The following RCN3 variants were observed in gnomAD, a reference collection of about 807,000 sequenced individuals.
RCN3 encodes the protein reticulocalbin-3.
Under a neutral mutation model 35.9 loss-of-function variants are expected in RCN3, and 41 were observed. That is an observed-to-expected ratio of 1.14 (90% CI 0.89 to 1.48). RCN3 has a LOEUF of 1.48. RCN3 is among the 40% of genes most tolerant of loss of function. The pLI, the probability that RCN3 is intolerant of heterozygous loss-of-function variation, is 0.00. For synonymous variants in RCN3, 187 were observed against 193.4 expected (o/e 0.97, Z 0.27); for missense variants, 451 against 471.3 (o/e 0.96, Z 0.40).
At chr19:49,533,985 C>T (rs1218008317) in intron 2 of RCN3, among the ~76,000 whole-genome samples, 3 of 152,116 alleles carry the variant, frequency 2.0e-5, no homozygotes, top group African/African-American at 7.2e-5. Context: ...GGGCGTGACT[C>T]GACCTGGGGG....
At chr19:49,529,655 T>C (rs764825449) in intron 2 of RCN3, among the ~76,000 whole-genome samples, 92 of 152,150 alleles carry the variant, frequency 6.0e-4, no homozygotes, top group Non-Finnish European at 1.1e-3. Flanking sequence ...GTGGATCAAA[T>C]AGAGATAAAT....
chr19:49,543,029 G>A lies in RCN3; in HGVS notation c.880-77G>A, dbSNP rs532255541. 3.9e-5 allele frequency: 48 copies of A among 1,226,532 alleles called. No homozygotes were observed. The South Asian group carries it at 4.8e-4, about 12-fold the overall frequency. 76.0% of individuals were successfully genotyped at this position (1,226,532 alleles called of 1,614,324 possible). On this transcript the variant is annotated intron_variant, in intron 6 of 6. Coordinates refer to ENST00000270645, the MANE Select transcript of RCN3 (RefSeq NM_020650.3). ...AGAGAACAAGGGTCCCAGAGACTTC[G>A]GGACACGCTTGGATGCAGGGAGGGC...
At chr19:49,529,058 G>C (rs1273784501) in intron 2 of RCN3, among the ~76,000 whole-genome samples, 1 of 152,100 alleles carries the variant, frequency 6.6e-6, no homozygotes, top group Non-Finnish European at 1.5e-5. Flanking sequence ...GTGGGCACCT[G>C]TAATCCCAGC....
intron 3 of RCN3, among the ~76,000 whole-genome samples, chr19:49,535,296 A>G (rs1015368795): frequency 6.6e-6 from 1 of 152,128 alleles, no homozygotes; most frequent in African/African-American, 2.4e-5. Context: ...CAGTCAAGCC[A>G]TCTCAGTCCC....
chr19:49,535,873 T>TAGATAGATAG (rs369474948), intron 3 of RCN3, among the ~76,000 whole-genome samples: 92 of 144,798 alleles, frequency 6.4e-4, no homozygotes, highest in African/African-American at 2.0e-3. Context: ...TATATATATA[T>TAGATAGATAG]ATAGATAGAT....
At chr19:49,532,968 G>C (rs1035397221) in intron 2 of RCN3, among the ~76,000 whole-genome samples, 8 of 152,188 alleles carry the variant, frequency 5.3e-5, no homozygotes, top group Non-Finnish European at 7.3e-5. Context: ...GAGCCACCGC[G>C]CCTGTCCTGT....
At chr19:49,532,131 A>G in intron 2 of RCN3, among the ~76,000 whole-genome samples, 1 of 103,674 alleles carries the variant, frequency 9.6e-6, no homozygotes, top group East Asian at 2.8e-4. Flanking sequence ...TTTGAGACAG[A>G]GTCTCACTCT....
At chr19:49,532,200 G>A (rs1335830449) in intron 2 of RCN3, among the ~76,000 whole-genome samples, 3 of 142,334 alleles carry the variant, frequency 2.1e-5, no homozygotes, top group Non-Finnish European at 3.0e-5. Context: ...GCGCCTCCCA[G>A]GTTCACGCCA....
intron 5 of RCN3, among the ~76,000 whole-genome samples, chr19:49,540,181 C>T (rs1302834237): frequency 6.6e-6 from 1 of 151,744 alleles, no homozygotes; most frequent in Admixed American, 6.6e-5. Context: ...GTGTGTCTCT[C>T]TCTTTATTAA....
At chr19:49,532,190 G>C (rs1444181685) in intron 2 of RCN3, among the ~76,000 whole-genome samples, 11 of 118,842 alleles carry the variant, frequency 9.3e-5, no homozygotes, top group Admixed American at 8.4e-4. Context: ...ACTGCAAGCT[G>C]CGCCTCCCAG....
chr19:49,542,059 C>CA (rs56896990), intron 5 of RCN3, among the ~76,000 whole-genome samples: 14,212 of 116,270 alleles, frequency 0.12, 800 homozygotes, highest in African/African-American at 0.17. Context: ...GACTCCATCT[C>CA]AAAAAAAAAA....
intron 2 of RCN3, among the ~76,000 whole-genome samples, chr19:49,532,856 A>G (rs2080115566): frequency 6.6e-6 from 1 of 150,422 alleles, no homozygotes; most frequent in South Asian, 2.1e-4. Flanking sequence ...TTGTATTTTT[A>G]GTAGAGACAA....
chr19:49,528,680 C>A lies in RCN3; in HGVS notation c.208C>A (p.Gln70Lys), dbSNP rs756535920. 9 of 1,607,014 alleles carry A rather than the reference C, an allele frequency of 5.6e-6. No homozygotes were observed. The African/African-American group carries it at 1.1e-4, about 19-fold the overall frequency. ...ACGGGAAGTGGCCAAGGAATTCGACCAACTCACCCCAGAGGAAAGCCAGGC... is the reference window on the plus strand; with the variant it reads ...ACGGGAAGTGGCCAAGGAATTCGACAAACTCACCCCAGAGGAAAGCCAGGC... ...LGREVAKEFD[Q>K]LTPEESQARL... Residue 70 changes from glutamine to lysine, a missense_variant, in exon 2 of 7, where the codon CAA becomes AAA. By Grantham distance (53) the Gln-to-Lys change is moderately conservative. Transcript: ENST00000270645.
At chr19:49,530,165 CT>C (rs1372486487) in intron 2 of RCN3, among the ~76,000 whole-genome samples, 209 of 140,152 alleles carry the variant, frequency 1.5e-3, no homozygotes, top group East Asian at 1.9e-3. Flanking sequence ...TTTTTCTTTC[CT>C]TTTTTTTTTT....
rs1400758232 is a variant in RCN3 at position 49,528,577 on chromosome 19, C to T, written c.105C>T (p.His35=). 1 of 1,607,784 alleles carries T rather than the reference C, an allele frequency of 6.2e-7. No homozygotes were observed. The highest frequency in any genetic ancestry group is 8.5e-7 in the Non-Finnish European group (1 of 1,177,240). The stretch of plus-strand genomic sequence containing the variant: ...GCCCTCATGGCCAGGGGAGGGTGCA[C>T]CAGGCGGCCCCCCTGAGCGACGCTC... ...DAGPHGQGRV[H]QAAPLSDAPH... The change falls in exon 2 of 7, where the codon CAC becomes CAT. Residue 35 remains histidine, a synonymous_variant. Coordinates refer to ENST00000270645, the MANE Select transcript of RCN3 (RefSeq NM_020650.3).
At position 49,543,219 on chromosome 19, in the gene RCN3, G is replaced by C; in HGVS notation, c.*6G>C. The stretch of plus-strand genomic sequence containing the variant: ...GGCACCACGATGAGCTGTGAGCACC[G>C]CGCACCTGCCACAGCCTCAGAGGCC... On this transcript the variant is annotated 3_prime_UTR_variant, in exon 7 of 7. Coordinates refer to ENST00000270645, the MANE Select transcript of RCN3 (RefSeq NM_020650.3). The C allele has an allele frequency of 6.3e-7, 1 of 1,599,196 alleles. No individual in the cohort carries two copies. The highest frequency in any genetic ancestry group is 2.3e-5 in the East Asian group (1 of 43,998).
At chr19:49,538,694 G>A (rs57989898) in intron 4 of RCN3, among the ~76,000 whole-genome samples, 15,447 of 152,160 alleles carry the variant, frequency 0.1, 1,018 homozygotes, top group African/African-American at 0.18. Context: ...AACAAGGAGC[G>A]GAGGTGTCCA....
At chr19:49,541,407 C>T (rs2080162292) in intron 5 of RCN3, among the ~76,000 whole-genome samples, 1 of 152,116 alleles carries the variant, frequency 6.6e-6, no homozygotes, top group African/African-American at 2.4e-5. Context: ...GGTGTTTGGG[C>T]TCTGGCACCT....
At chr19:49,532,464 C>T (rs1232638228) in intron 2 of RCN3, among the ~76,000 whole-genome samples, 1 of 151,738 alleles carries the variant, frequency 6.6e-6, no homozygotes, top group East Asian at 1.9e-4. Flanking sequence ...CAACCTACGC[C>T]TCCTGGGTTC....
Sources: gnomAD v4.1 joint callset for allele counts (sites outside exome capture counted in the v4.1 genomes callset) on GRCh38, gnomAD v4.1.1 for gene constraint, MANE v1.5 for transcripts, NCBI Gene and HGNC (gene_info 2026-07-23, HGNC 2026-07-21) for gene names.